Variants in ZNF385D observed in about 807,000 individuals in gnomAD.
ZNF385D encodes the protein zinc finger protein 385D, also known as zinc finger protein 659.
In ZNF385D, 15 loss-of-function variants were observed where a neutral mutation model predicts 35.8. The observed-to-expected ratio is 0.42, with a 90% confidence interval of 0.28 to 0.64. ZNF385D has a LOEUF of 0.64. ZNF385D is among the 30% of genes least tolerant of loss of function. The pLI is 0.23. For missense variants in ZNF385D, 474 were observed against 494.6 expected, an observed-to-expected ratio of 0.96 and a Z score of 0.39; for synonymous variants, 212 against 186.8, an observed-to-expected ratio of 1.13 and a Z score of -1.10.
At chr3:21,547,648 G>A (rs780971015) in intron 3 of ZNF385D, among the ~76,000 whole-genome samples, 2 of 149,828 alleles carry the variant, frequency 1.3e-5, no homozygotes, top group Admixed American at 6.7e-5. Flanking sequence ...CAAGAGTCTC[G>A]CTCTGTCTCC....
chr3:21,970,085 T>C (rs1035558431), intron 3 of ZNF385D, among the ~76,000 whole-genome samples: 1 of 152,118 alleles, frequency 6.6e-6, no homozygotes, highest in Non-Finnish European at 1.5e-5. Context: ...TACTTGGAAA[T>C]GCTTCCCAAG....
intron 4 of ZNF385D, among the ~76,000 whole-genome samples, chr3:21,502,610 G>A (rs1049064771): frequency 2.0e-5 from 3 of 152,168 alleles, no homozygotes; most frequent in African/African-American, 7.2e-5. Context: ...TTACTTTTAT[G>A]TCATTCCTAA....
chr3:21,772,585 T>C (rs2071123121), intron 3 of ZNF385D, among the ~76,000 whole-genome samples: 1 of 151,882 alleles, frequency 6.6e-6, no homozygotes, highest in Admixed American at 6.6e-5. Flanking sequence ...GAGGAGAAAT[T>C]GAAACACTTG....
chr3:21,449,262 A>G (rs1215073951), intron 4 of ZNF385D, among the ~76,000 whole-genome samples: 1 of 147,904 alleles, frequency 6.8e-6, no homozygotes. Context: ...TAAAATGCTC[A>G]GTATTTTTAT....
chr3:21,511,082 T>C, intron 3 of ZNF385D, 59 bp from the exon 4 acceptor site: 1 of 1,599,444 alleles, frequency 6.3e-7, no homozygotes, highest in Non-Finnish European at 8.5e-7. Flanking sequence ...TGGCATTCTC[T>C]GTATTACTGC....
intron 3 of ZNF385D, among the ~76,000 whole-genome samples, chr3:21,781,704 A>G (rs1196684691): frequency 6.6e-6 from 1 of 152,000 alleles, no homozygotes; most frequent in Non-Finnish European, 1.5e-5. Context: ...AAGTCTTGTT[A>G]TTATTATTAT....
At chr3:22,169,013 G>C in exon 3 of ZNF385D, 1 of 985,682 alleles carries the variant, frequency 1.0e-6, no homozygotes, top group Non-Finnish European at 1.2e-6. Flanking sequence ...CCTCACTCTC[G>C]CCATCGTGTA....
At chr3:21,861,962 A>G (rs1697077109) in intron 3 of ZNF385D, among the ~76,000 whole-genome samples, 1 of 152,138 alleles carries the variant, frequency 6.6e-6, no homozygotes, top group Non-Finnish European at 1.5e-5. Flanking sequence ...CCATGCCTTG[A>G]AGACGTAATC....
At chr3:22,012,091 G>A (rs565071197) in intron 3 of ZNF385D, among the ~76,000 whole-genome samples, 4 of 152,216 alleles carry the variant, frequency 2.6e-5, no homozygotes, top group African/African-American at 9.6e-5. Context: ...GGAACCATAG[G>A]TAGGCTCCAG....
At chr3:21,781,144 A>G (rs1218466256) in intron 3 of ZNF385D, among the ~76,000 whole-genome samples, 2 of 152,062 alleles carry the variant, frequency 1.3e-5, no homozygotes, top group South Asian at 2.1e-4. Flanking sequence ...GGTCAGCTAT[A>G]GTGTTCCTTT....
intron 4 of ZNF385D, among the ~76,000 whole-genome samples, chr3:21,471,898 T>C (rs576406686): frequency 1.7e-4 from 26 of 152,258 alleles, no homozygotes; most frequent in African/African-American, 5.5e-4. Context: ...TAATTACTTC[T>C]TCCCATTTTA....
chr3:21,684,452 C>T (rs1347498169), intron 1 of ZNF385D, among the ~76,000 whole-genome samples: 11 of 116,738 alleles, frequency 9.4e-5, no homozygotes, highest in Admixed American at 7.7e-4. Context: ...TTCTTTCTTT[C>T]GTAGCTTTAC....
At chr3:22,231,036 A>C (rs1403091420) in intron 2 of ZNF385D, among the ~76,000 whole-genome samples, 8 of 152,194 alleles carry the variant, frequency 5.3e-5, no homozygotes. Context: ...CAATATTGGG[A>C]GAAAATGACA....
chr3:22,231,487 G>A (rs1212501599), intron 2 of ZNF385D, among the ~76,000 whole-genome samples: 2 of 152,180 alleles, frequency 1.3e-5, no homozygotes, highest in South Asian at 2.1e-4. Context: ...GCTTCCCACA[G>A]TAGCTGACAA....
chr3:21,861,386 C>T (rs1287041579), intron 3 of ZNF385D, among the ~76,000 whole-genome samples: 1 of 152,076 alleles, frequency 6.6e-6, no homozygotes, highest in Non-Finnish European at 1.5e-5. Context: ...TATCTAATTG[C>T]CTTCACTCAT....
chr3:21,923,677 T>C (rs1443466501), intron 3 of ZNF385D, among the ~76,000 whole-genome samples: 2 of 149,022 alleles, frequency 1.3e-5, no homozygotes, highest in Non-Finnish European at 1.5e-5. Context: ...TATGCAGCCA[T>C]AAAAAAGAAC....
intron 3 of ZNF385D, chr3:22,168,655 A>G (rs1706491362): frequency 3.3e-6 from 1 of 303,992 alleles, no homozygotes; most frequent in East Asian, 1.7e-4. Flanking sequence ...TTCACTCTCA[A>G]AGAGAAATGA....
At chr3:22,285,252 G>C (rs900431861) in intron 2 of ZNF385D, among the ~76,000 whole-genome samples, 1 of 152,068 alleles carries the variant, frequency 6.6e-6, no homozygotes, top group Non-Finnish European at 1.5e-5. Flanking sequence ...GTGATAAGAG[G>C]CTCATCTGCC....
chr3:21,865,522 G>C (rs1049690944), intron 3 of ZNF385D, among the ~76,000 whole-genome samples: 2 of 152,120 alleles, frequency 1.3e-5, no homozygotes, highest in Non-Finnish European at 2.9e-5. Flanking sequence ...AGAACTTGCA[G>C]ATCTTCCTTA....
Sources: gnomAD v4.1 joint callset for allele counts (sites outside exome capture counted in the v4.1 genomes callset) on GRCh38, gnomAD v4.1.1 for gene constraint, MANE v1.5 for transcripts, NCBI Gene and HGNC (gene_info 2026-07-23, HGNC 2026-07-21) for gene names.